The following CPEB3 variants were observed in gnomAD, a reference collection of about 807,000 sequenced individuals.
The protein encoded by CPEB3 is cytoplasmic polyadenylation element-binding protein 3.
A neutral mutation model predicts 67.2 loss-of-function variants in CPEB3; 20 were observed. The ratio of observed to expected loss-of-function variants is 0.30; its 90% CI spans 0.21 to 0.43. CPEB3 has a LOEUF of 0.43. CPEB3 is among the 20% of genes least tolerant of loss of function. The pLI, the probability that CPEB3 is intolerant of heterozygous loss-of-function variation, is 1.00. For synonymous variants in CPEB3, 376 were observed against 393.1 expected, an observed-to-expected ratio of 0.96 and a Z score of 0.51; for missense variants, 746 against 968.6, an observed-to-expected ratio of 0.77 and a Z score of 3.05.
At chr10:92,212,899 A>G (rs1349707639) in intron 2 of CPEB3, among the ~76,000 whole-genome samples, 5 of 152,120 alleles carry the variant, frequency 3.3e-5, no homozygotes, top group Admixed American at 3.3e-4. Context: ...GCAAGACCCC[A>G]TCTCTACAAA....
At chr10:92,160,784 C>T (rs189964331) in intron 4 of CPEB3, among the ~76,000 whole-genome samples, 1 of 152,138 alleles carries the variant, frequency 6.6e-6, no homozygotes, top group African/African-American at 2.4e-5. Context: ...CACTAAACAT[C>T]CAAGTAATAT....
At chr10:92,281,268 A>T (rs1278430103) in intron 1 of CPEB3, among the ~76,000 whole-genome samples, 1 of 150,908 alleles carries the variant, frequency 6.6e-6, no homozygotes, top group Non-Finnish European at 1.5e-5. Flanking sequence ...GGGGTGCAGG[A>T]GGGGTTGGTA....
chr10:92,213,171 C>T (rs1415999809), intron 2 of CPEB3, among the ~76,000 whole-genome samples: 1 of 152,092 alleles, frequency 6.6e-6, no homozygotes, highest in Admixed American at 6.6e-5. Context: ...GGCCCCAAAA[C>T]CTTATTAAGT....
Position 92,239,744 on chromosome 10 carries a change from G to C in CPEB3, c.607C>G (p.Gln203Glu), listed in dbSNP as rs1199150886. ...CCGTACGCCGCGGCGGCGCTCCTCT[G>C]CGCGTAGGGCGCCTGGCTGGGGCTG... The part of the protein sequence containing the change: ...PASPSQAPYA[Q>E]RSAAAAYGHQ... The change falls in exon 2 of 10, where the codon CAG becomes GAG. Residue 203 changes from glutamine (Q) to glutamate (E), a missense_variant. By Grantham distance (29) the Gln-to-Glu change is conservative. This residue lies in a region of CPEB3 where 643 missense variants were observed against 717.5 expected (regional missense o/e 0.90). Coordinates refer to ENST00000265997, the MANE Select transcript of CPEB3 (RefSeq NM_014912.5). The surrounding 1 kb of genome is among the most constrained non-coding windows in gnomAD (Gnocchi z 6.0). 1.3e-6 allele frequency: 2 copies of C among 1,485,892 alleles called. No homozygotes were observed. 92.0% of individuals were successfully genotyped at this position (1,485,892 alleles called of 1,614,324 possible).
At chr10:92,163,874 A>AT (rs1310709670) in intron 4 of CPEB3, among the ~76,000 whole-genome samples, 16 of 152,214 alleles carry the variant, frequency 1.1e-4, no homozygotes, top group Admixed American at 8.5e-4. Context: ...CTACATTCAC[A>AT]TTAAGTATTT....
intron 1 of CPEB3, among the ~76,000 whole-genome samples, chr10:92,279,905 G>T (rs1309564130): frequency 3.3e-5 from 5 of 152,106 alleles, no homozygotes; most frequent in Non-Finnish European, 5.9e-5. Flanking sequence ...AGCTAACTGG[G>T]GAGGTTGAGG....
intron 4 of CPEB3, among the ~76,000 whole-genome samples, chr10:92,160,729 A>T (rs1015853398): frequency 2.6e-5 from 4 of 152,192 alleles, no homozygotes; most frequent in African/African-American, 9.7e-5. Flanking sequence ...GGACATTAAC[A>T]CCCATAAAGG....
intron 7 of CPEB3, 124 bp downstream of exon 7, chr10:92,110,952 T>C (rs934217799): frequency 2.6e-6 from 2 of 766,818 alleles, no homozygotes; most frequent in African/African-American, 3.4e-5. Flanking sequence ...CTCTACTGCA[T>C]AGCAAGGCCA....
At chr10:92,170,115 C>A (rs1199176116) in intron 4 of CPEB3, among the ~76,000 whole-genome samples, 3 of 152,180 alleles carry the variant, frequency 2.0e-5, no homozygotes, top group African/African-American at 7.2e-5. Context: ...GACATCTAGT[C>A]TCTTCTACTC....
At chr10:92,224,357 CTA>C (rs779441489) in intron 2 of CPEB3, among the ~76,000 whole-genome samples, 3 of 152,162 alleles carry the variant, frequency 2.0e-5, no homozygotes, top group Non-Finnish European at 4.4e-5. Flanking sequence ...CTTACAATAG[CTA>C]TGTTTCTCAG....
chr10:92,223,426 C>T (rs1384115189), intron 2 of CPEB3, among the ~76,000 whole-genome samples: 2 of 152,164 alleles, frequency 1.3e-5, no homozygotes, highest in Non-Finnish European at 2.9e-5. Context: ...TAATCTGCCA[C>T]TATTAACCAT....
chr10:92,262,866 G>A (rs1009985671), intron 1 of CPEB3, among the ~76,000 whole-genome samples: 1 of 151,882 alleles, frequency 6.6e-6, no homozygotes, highest in South Asian at 2.1e-4. Flanking sequence ...GTATCCCAGC[G>A]GGGAGCACAG....
chr10:92,199,015 A>C (rs1216941181), intron 2 of CPEB3, among the ~76,000 whole-genome samples: 1 of 152,228 alleles, frequency 6.6e-6, no homozygotes, highest in Non-Finnish European at 1.5e-5. Flanking sequence ...AGGAATTCCT[A>C]AGGAAGAGTT....
At chr10:92,129,885 T>C (rs1372676590) in intron 6 of CPEB3, among the ~76,000 whole-genome samples, 1 of 151,614 alleles carries the variant, frequency 6.6e-6, no homozygotes, top group Non-Finnish European at 1.5e-5. Context: ...CCACAAAAAA[T>C]AAAAATAAAA....
intron 2 of CPEB3, among the ~76,000 whole-genome samples, chr10:92,230,501 A>C (rs1474471660): frequency 6.6e-6 from 1 of 152,210 alleles, no homozygotes; most frequent in Non-Finnish European, 1.5e-5. Flanking sequence ...GAATTATATA[A>C]TAGTGCTTCT....
chr10:92,186,090 C>A (rs532516565), intron 3 of CPEB3, among the ~76,000 whole-genome samples: 2 of 151,782 alleles, frequency 1.3e-5, no homozygotes, highest in South Asian at 4.2e-4. Context: ...CAATTCCCAG[C>A]CTGGTGTGCA....
chr10:92,152,237 T>C (rs138097912), intron 4 of CPEB3, among the ~76,000 whole-genome samples: 1 of 152,334 alleles, frequency 6.6e-6, no homozygotes, highest in African/African-American at 2.4e-5. Context: ...TTTTTTGAAA[T>C]ATAATTCTCA....
chr10:92,064,130 G>C (rs2134338371), intron 9 of CPEB3, among the ~76,000 whole-genome samples: 1 of 152,280 alleles, frequency 6.6e-6, no homozygotes, highest in African/African-American at 2.4e-5. Flanking sequence ...CCTAATCTAA[G>C]GATCTGTTGC....
intron 6 of CPEB3, among the ~76,000 whole-genome samples, chr10:92,119,956 A>T (rs1162769418): frequency 1.3e-5 from 2 of 148,874 alleles, no homozygotes; most frequent in South Asian, 2.1e-4. Flanking sequence ...TCTTGGATTT[A>T]AAAAAAAAAC....
Sources: gnomAD v4.1 joint callset for allele counts (sites outside exome capture counted in the v4.1 genomes callset) on GRCh38, gnomAD v4.1.1 for gene constraint, gnomAD v4.1.1 regional missense constraint, Gnocchi (gnomAD v3.1) non-coding constraint, MANE v1.5 for transcripts, NCBI Gene and HGNC (gene_info 2026-07-23, HGNC 2026-07-21) for gene names.